PRKACB: variants seen among roughly 807,000 people sequenced by gnomAD.
The protein encoded by PRKACB is protein kinase cAMP-activated catalytic subunit beta.
In PRKACB, 16 loss-of-function variants were observed where a neutral mutation model predicts 51.4. The ratio of observed to expected loss-of-function variants is 0.31; its 90% CI spans 0.21 to 0.47. The LOEUF is 0.47. Ranked by LOEUF, PRKACB falls within the 20% of genes least tolerant of loss-of-function variation. PRKACB has a pLI of 1.00. For missense variants in PRKACB, 309 were observed against 464.5 expected, an observed-to-expected ratio of 0.67 and a Z score of 3.08; for synonymous variants, 147 against 154.4, an observed-to-expected ratio of 0.95 and a Z score of 0.35.
intron 1 of PRKACB, among the ~76,000 whole-genome samples, chr1:84,133,301 C>G (rs548503667): frequency 2.2e-4 from 34 of 152,118 alleles, no homozygotes; most frequent in African/African-American, 8.0e-4. Flanking sequence ...ACCTTCAAAA[C>G]TGAAGGACAA....
chr1:84,086,569 C>T (rs1459468289), intron 1 of PRKACB, among the ~76,000 whole-genome samples: 2 of 152,222 alleles, frequency 1.3e-5, no homozygotes, highest in African/African-American at 4.8e-5. Context: ...AAGCCTCGTG[C>T]CTGGCTCTTC....
At chr1:84,175,772 G>A in intron 1 of PRKACB, 1 of 1,558,322 alleles carries the variant, frequency 6.4e-7, no homozygotes, top group Non-Finnish European at 8.7e-7. Context: ...GAATGTTCCT[G>A]CAAACAAATC....
intron 1 of PRKACB, among the ~76,000 whole-genome samples, chr1:84,145,591 A>T (rs749101362): frequency 6.6e-6 from 1 of 152,074 alleles, no homozygotes; most frequent in East Asian, 1.9e-4. Context: ...ATTTTTTTAC[A>T]TTCTTCAAAC....
chr1:84,193,576 G>T (rs1667400076), intron 5 of PRKACB, among the ~76,000 whole-genome samples: 1 of 152,130 alleles, frequency 6.6e-6, no homozygotes, highest in Admixed American at 6.6e-5. Context: ...GCAAAGTTTT[G>T]GGGAGCTGGC....
intron 1 of PRKACB, among the ~76,000 whole-genome samples, chr1:84,138,930 A>G (rs1005426106): frequency 6.6e-6 from 1 of 152,164 alleles, no homozygotes; most frequent in African/African-American, 2.4e-5. Flanking sequence ...AAAGGTAAAA[A>G]CCACATGATT....
chr1:84,165,553 T>C (rs1657152422), intron 1 of PRKACB, among the ~76,000 whole-genome samples: 1 of 151,930 alleles, frequency 6.6e-6, no homozygotes, highest in Non-Finnish European at 1.5e-5. Flanking sequence ...TTTGGTTTTG[T>C]AGGGTTTGTT....
chr1:84,164,188 A>G, intron 1 of PRKACB: 1 of 1,152,742 alleles, frequency 8.7e-7, no homozygotes. Flanking sequence ...CTTCCATAAC[A>G]CAGAATGTTT....
intron 1 of PRKACB, among the ~76,000 whole-genome samples, chr1:84,158,297 C>T (rs1392465434): frequency 6.6e-6 from 1 of 152,132 alleles, no homozygotes; most frequent in East Asian, 1.9e-4. Context: ...CTCAGCCTCC[C>T]AAGTGCTGAG....
chr1:84,100,931 T>C (rs190463455), intron 1 of PRKACB, among the ~76,000 whole-genome samples: 19 of 152,310 alleles, frequency 1.2e-4, no homozygotes, highest in Non-Finnish European at 2.2e-4. Flanking sequence ...ACAGTGACTC[T>C]AGAGTGTTGT....
At chr1:84,208,998 A>G (rs763522729) in intron 8 of PRKACB, among the ~76,000 whole-genome samples, 2 of 152,196 alleles carry the variant, frequency 1.3e-5, no homozygotes, top group Non-Finnish European at 2.9e-5. Context: ...CTAGTCCTAT[A>G]TGTAGGTAAA....
chr1:84,177,621 A>G (rs1661751913), intron 1 of PRKACB, among the ~76,000 whole-genome samples: 1 of 152,022 alleles, frequency 6.6e-6, no homozygotes, highest in Non-Finnish European at 1.5e-5. Flanking sequence ...GCACATCTGT[A>G]GTCCCAGCTA....
In PRKACB at chr1:84,119,272, C is replaced by T. The variant is rs183249077; in HGVS notation, c.46+40901C>T. Among the ~76,000 whole-genome samples, 25 of 152,188 alleles carry T rather than the reference C, an allele frequency of 1.6e-4. No homozygotes were observed. The East Asian group carries it at 4.6e-3, about 28-fold the overall frequency. ...ATATTCAAATATCATAGAAGAGCAT[C>T]TAGTGGGGAGAACTTTATTTTTATC... On this transcript the variant is annotated intron_variant, in intron 1 of 8. Transcript: ENST00000370688.
At chr1:84,181,652 GCT>G in intron 2 of PRKACB, 1 of 1,471,266 alleles carries the variant, frequency 6.8e-7, no homozygotes, top group Non-Finnish European at 9.0e-7. Context: ...AAGCCACTAG[GCT>G]CTCTCATGCT....
intron 1 of PRKACB, among the ~76,000 whole-genome samples, chr1:84,148,075 AG>A (rs1373503560): frequency 1.3e-5 from 2 of 152,202 alleles, no homozygotes; most frequent in African/African-American, 4.8e-5. Flanking sequence ...GCATTTAATT[AG>A]AACTAACGCT....
At chr1:84,169,686 A>G (rs1024968145) in intron 1 of PRKACB, among the ~76,000 whole-genome samples, 1 of 151,686 alleles carries the variant, frequency 6.6e-6, no homozygotes, top group African/African-American at 2.4e-5. Flanking sequence ...GATTTATAGA[A>G]CAGAAAAGCA....
At chr1:84,184,780 GTTTT>G (rs1287948181) in intron 4 of PRKACB, among the ~76,000 whole-genome samples, 1 of 151,378 alleles carries the variant, frequency 6.6e-6, no homozygotes, top group Non-Finnish European at 1.5e-5. Context: ...TTTTTAAATT[GTTTT>G]TTACCTTTGT....
chr1:84,225,946 T>C (rs1271580379), intron 9 of PRKACB, among the ~76,000 whole-genome samples: 1 of 152,248 alleles, frequency 6.6e-6, no homozygotes, highest in African/African-American at 2.4e-5. Context: ...AACATGTGAT[T>C]ATCTACTCAC....
At chr1:84,151,344 A>G (rs926889926) in intron 1 of PRKACB, among the ~76,000 whole-genome samples, 50 of 152,028 alleles carry the variant, frequency 3.3e-4, no homozygotes, top group Admixed American at 1.1e-3. Flanking sequence ...GCATTTCCCA[A>G]TTTTTTTGCT....
intron 1 of PRKACB, among the ~76,000 whole-genome samples, chr1:84,177,914 C>T (rs1174703493): frequency 6.6e-6 from 1 of 151,898 alleles, no homozygotes; most frequent in African/African-American, 2.4e-5. Context: ...TTCTTTTTCT[C>T]AGTTTTTCTA....
Sources: allele counts gnomAD v4.1 joint callset (sites outside exome capture counted in the v4.1 genomes callset), GRCh38; gene constraint gnomAD v4.1.1; transcripts MANE v1.5; gene names NCBI Gene and HGNC (gene_info 2026-07-23, HGNC 2026-07-21).